The following GRIP1 variants were observed in gnomAD, a reference collection of about 807,000 sequenced individuals.
GRIP1 encodes glutamate receptor-interacting protein 1.
In GRIP1, 45 loss-of-function variants were observed where a neutral mutation model predicts 129.9. The ratio of observed to expected loss-of-function variants is 0.35; its 90% CI spans 0.27 to 0.44. GRIP1 has a LOEUF of 0.44. Ranked by LOEUF, GRIP1 falls within the 20% of genes least tolerant of loss-of-function variation. The pLI is 1.00. For missense variants in GRIP1, 1,196 were observed against 1,396.8 expected, an observed-to-expected ratio of 0.86 and a Z score of 2.29; for synonymous variants, 530 against 520.8, an observed-to-expected ratio of 1.02 and a Z score of -0.24.
At chr12:66,749,544 G>A (rs774040237) in intron 1 of GRIP1, among the ~76,000 whole-genome samples, 1 of 152,138 alleles carries the variant, frequency 6.6e-6, no homozygotes, top group Non-Finnish European at 1.5e-5. Flanking sequence ...CTTAAACGTT[G>A]ATTTTGTAAA....
At chr12:67,048,457 C>T (rs994478911) in intron 1 of GRIP1, among the ~76,000 whole-genome samples, 2 of 152,072 alleles carry the variant, frequency 1.3e-5, no homozygotes, top group Admixed American at 1.3e-4. Context: ...CATATACGCA[C>T]ACACATACAT....
intron 16 of GRIP1, among the ~76,000 whole-genome samples, chr12:66,404,562 G>T (rs1388622906): frequency 6.6e-6 from 1 of 152,084 alleles, no homozygotes; most frequent in Non-Finnish European, 1.5e-5. Flanking sequence ...TGCTTGAGTT[G>T]TAAACTTCAA....
intron 3 of GRIP1, among the ~76,000 whole-genome samples, chr12:66,539,554 T>C (rs979602233): frequency 2.7e-5 from 4 of 146,112 alleles, no homozygotes; most frequent in Non-Finnish European, 6.0e-5. Flanking sequence ...GCTTTTTTTT[T>C]TTTTTTTTTT....
intron 1 of GRIP1, among the ~76,000 whole-genome samples, chr12:67,057,304 G>A (rs777558101): frequency 2.6e-5 from 4 of 151,844 alleles, no homozygotes; most frequent in African/African-American, 4.8e-5. Context: ...TCCCCTCCCC[G>A]CTCTCTCTGC....
intron 1 of GRIP1, among the ~76,000 whole-genome samples, chr12:66,865,497 A>G (rs959001238): frequency 2.0e-5 from 3 of 151,692 alleles, no homozygotes; most frequent in Non-Finnish European, 4.4e-5. Flanking sequence ...ATGGATAGAA[A>G]TATGTTATTT....
At chr12:66,389,705 G>A (rs907107696) in intron 19 of GRIP1, among the ~76,000 whole-genome samples, 7 of 152,146 alleles carry the variant, frequency 4.6e-5, no homozygotes, top group Non-Finnish European at 8.8e-5. Flanking sequence ...GTTGAGGTAG[G>A]TGTCATTGAT....
At chr12:66,621,217 T>C (rs1239970537) in intron 1 of GRIP1, among the ~76,000 whole-genome samples, 1 of 152,098 alleles carries the variant, frequency 6.6e-6, no homozygotes, top group African/African-American at 2.4e-5. Flanking sequence ...AGAACTTTTT[T>C]TTATCATCCC....
intron 7 of GRIP1, among the ~76,000 whole-genome samples, chr12:66,475,879 A>G (rs1277792459): frequency 6.6e-6 from 1 of 152,226 alleles, no homozygotes; most frequent in African/African-American, 2.4e-5. Context: ...GAAAGCAGGA[A>G]AGATCTAAAA....
At chr12:66,608,961 T>A (rs201147957) in intron 1 of GRIP1, among the ~76,000 whole-genome samples, 27 of 129,156 alleles carry the variant, frequency 2.1e-4, no homozygotes, top group South Asian at 1.6e-3. Flanking sequence ...TATTATTATA[T>A]TATATATATA....
At chr12:66,983,928 C>T (rs182462147) in intron 1 of GRIP1, among the ~76,000 whole-genome samples, 65 of 152,220 alleles carry the variant, frequency 4.3e-4, no homozygotes, top group African/African-American at 1.5e-3. Context: ...CCTCTTCCCA[C>T]CAAGGGAGAT....
chr12:67,025,456 C>T (rs1291486270), intron 1 of GRIP1, among the ~76,000 whole-genome samples: 2 of 152,068 alleles, frequency 1.3e-5, no homozygotes, highest in African/African-American at 4.8e-5. Flanking sequence ...ACTAAGAAAA[C>T]AAGAAACTTT....
chr12:66,478,394 A>T (rs1180157194), intron 7 of GRIP1, among the ~76,000 whole-genome samples: 2 of 152,186 alleles, frequency 1.3e-5, no homozygotes, highest in Non-Finnish European at 2.9e-5. Flanking sequence ...GCTGGAGAGG[A>T]TGTGGAGAAA....
intron 1 of GRIP1, among the ~76,000 whole-genome samples, chr12:67,033,401 A>C (rs2043051761): frequency 6.6e-6 from 1 of 151,904 alleles, no homozygotes; most frequent in Admixed American, 6.6e-5. Flanking sequence ...CCACACCCAA[A>C]ATTCTCATCC....
intron 24 of GRIP1, among the ~76,000 whole-genome samples, chr12:66,352,720 CAAAA>C (rs1164207741): frequency 1.6e-5 from 1 of 63,720 alleles, no homozygotes; most frequent in African/African-American, 5.0e-5. Flanking sequence ...GACTCTGTCT[CAAAA>C]AAAAAAAAAA....
chr12:66,529,802 TA>T, intron 5 of GRIP1, 28 bp downstream of exon 5: 1 of 1,205,688 alleles, frequency 8.3e-7, no homozygotes, highest in Non-Finnish European at 1.2e-6. Flanking sequence ...ATATTTTTTT[TA>T]AAGTAGATTT....
intron 2 of GRIP1, among the ~76,000 whole-genome samples, chr12:66,548,718 G>T (rs2062027266): frequency 6.6e-6 from 1 of 152,160 alleles, no homozygotes; most frequent in South Asian, 2.1e-4. Context: ...TTTCCAACTT[G>T]TTTGATTGGT....
At position 66,548,574 on chromosome 12, in the gene GRIP1, G is replaced by A. The variant is rs138863592; in HGVS notation, c.137-6624C>T. Reference sequence around the variant, plus strand: ...ATGCCACCCAGAGGCAACACATGATGGACTAAAATACATCAGAGGCTATGT... The same window carrying A: ...ATGCCACCCAGAGGCAACACATGATAGACTAAAATACATCAGAGGCTATGT... On this transcript the variant is annotated intron_variant, in intron 2 of 24. Transcript: ENST00000359742. 4.4e-3 allele frequency among the ~76,000 whole-genome samples: 675 copies of A among 152,298 alleles called. 7 individuals are homozygous for A. The highest frequency in any genetic ancestry group is 0.015 in the African/African-American group (618 of 41,570).
At chr12:66,744,203 C>T (rs1164714378) in intron 1 of GRIP1, among the ~76,000 whole-genome samples, 6 of 152,124 alleles carry the variant, frequency 3.9e-5, no homozygotes, top group Admixed American at 1.3e-4. Context: ...TAAAACATTG[C>T]CTAAATCTAA....
chr12:66,355,542 C>A (rs1257400624), intron 23 of GRIP1, among the ~76,000 whole-genome samples: 11 of 152,050 alleles, frequency 7.2e-5, no homozygotes, highest in African/African-American at 2.7e-4. Flanking sequence ...CTAGTGACAC[C>A]AGCACCCCCA....
Sources: gnomAD v4.1 joint callset for allele counts (sites outside exome capture counted in the v4.1 genomes callset) on GRCh38, gnomAD v4.1.1 for gene constraint, MANE v1.5 for transcripts, NCBI Gene and HGNC (gene_info 2026-07-23, HGNC 2026-07-21) for gene names.